The following PLEKHN1 variants were observed in gnomAD, a reference collection of about 807,000 sequenced individuals.
PLEKHN1 encodes pleckstrin homology domain-containing family N member 1.
PLEKHN1 carries 68 observed loss-of-function variants against 72.8 expected under a neutral mutation model. The observed-to-expected ratio is 0.93, with a 90% CI of 0.77 to 1.14. The LOEUF is 1.14. PLEKHN1 is among the 50% of genes most tolerant of loss of function. PLEKHN1 has a pLI of 0.00. For synonymous variants in PLEKHN1, 454 were observed against 371.6 expected (o/e 1.22, Z -2.55); for missense variants, 1,015 against 840.5 (o/e 1.21, Z -2.57).
intron 8 of PLEKHN1, among the ~76,000 whole-genome samples, chr1:971,777 G>A (rs990866102): frequency 1.4e-5 from 2 of 141,460 alleles, no homozygotes; most frequent in Non-Finnish European, 3.2e-5. Flanking sequence ...TTCAGTCACT[G>A]AGGAACAAAC....
Position 972,143 on chromosome 1 carries a change from G to A in PLEKHN1, c.858G>A (p.Leu286=). Residue 286 remains leucine, a synonymous_variant, in exon 9 of 16, where the codon CTG becomes CTA. Coordinates refer to ENST00000379410, the MANE Select transcript of PLEKHN1 (RefSeq NM_032129.3). The part of the protein sequence containing the change: ...EEKEKQIRSF[L]IEGPLINTIR... ...AGGAGAAGCAGATCCGCTCCTTCCTGATTGAAGGTAGGGCCCTGACCCTGG... is the reference window on the plus strand; with the variant it reads ...AGGAGAAGCAGATCCGCTCCTTCCTAATTGAAGGTAGGGCCCTGACCCTGG... 1 of 1,613,032 alleles carries A rather than the reference G, an allele frequency of 6.2e-7. No homozygotes were observed. Among genetic ancestry groups the A allele is most frequent in the African/African-American group, 1.3e-5 (1 of 75,072 alleles).
rs112289120 is a variant in PLEKHN1, at chr1:970,102, G to T, written c.184-175G>T. 6.8e-6 allele frequency among the ~76,000 whole-genome samples: 1 copy of T among 148,018 alleles called. No individual in the cohort carries two copies. The highest frequency in any genetic ancestry group is 1.5e-5 in the Non-Finnish European group (1 of 66,848). ...GTGCCTGTGGGGGGCTGTTCTTCAC[G>T]TATGTGTTGTGTGGCTGTGCACAGG... On this transcript the variant is annotated intron_variant, in intron 2 of 15. Transcript: ENST00000379410. This position sits in a 1 kb window ranked among gnomAD's most constrained non-coding sequence, Gnocchi z 4.2.
chr1:972,110 G>A lies in PLEKHN1; in HGVS notation c.825G>A (p.Leu275=), dbSNP rs770930789. ...CACTCCGTGCCGTCCACATCAACCTGGAGGAGAAGGAGAAGCAGATCCGCT... is the reference window on the plus strand; with the variant it reads ...CACTCCGTGCCGTCCACATCAACCTAGAGGAGAAGGAGAAGCAGATCCGCT... The part of the protein sequence containing the change: ...ELPLRAVHIN[L]EEKEKQIRSF... The change falls in exon 9 of 16, where the codon CTG becomes CTA. Residue 275 remains leucine, a synonymous_variant. Transcript: ENST00000379410. 3.1e-6 allele frequency: 5 copies of A among 1,612,586 alleles called. No individual in the cohort carries two copies. The highest frequency in any genetic ancestry group is 3.4e-6 in the Non-Finnish European group (4 of 1,179,518).
At chr1:971,819 ACTT>A (rs1343080793) in intron 8 of PLEKHN1, among the ~76,000 whole-genome samples, 1 of 152,194 alleles carries the variant, frequency 6.6e-6, no homozygotes, top group Non-Finnish European at 1.5e-5. Flanking sequence ...ACCCGGCCCA[ACTT>A]CTTCTCTGGG....
intron 14 of PLEKHN1, 127 bp from the exon 15 acceptor site, chr1:974,189 G>A: frequency 1.3e-6 from 2 of 1,516,132 alleles, no homozygotes; most frequent in Non-Finnish European, 1.8e-6. Flanking sequence ...GGGCCAGTAG[G>A]GAGTTGGGGA....
chr1:974,022 G>A lies in PLEKHN1; in HGVS notation c.1624G>A (p.Gly542Arg). Reference sequence around the variant, plus strand: ...ACACCGGGGCTCAGCCAAGGATGGGGGGCCGCAGCCCCCAGACGCCCCTCA... The same window carrying A: ...ACACCGGGGCTCAGCCAAGGATGGGAGGCCGCAGCCCCCAGACGCCCCTCA... ...QRHRGSAKDG[G>R]PQPPDAPQLV... The change falls in exon 14 of 16, where the codon GGG (glycine) becomes AGG (arginine). Residue 542 changes from glycine (G) to arginine (R), a missense_variant. Gly to Arg is a moderately radical substitution (Grantham distance 125, BLOSUM62 -2). Coordinates refer to ENST00000379410, the MANE Select transcript of PLEKHN1 (RefSeq NM_032129.3). The A allele has an allele frequency of 6.3e-7, 1 of 1,598,602 alleles. No individual in the cohort carries two copies.
chr1:966,795 C>T lies in PLEKHN1; in HGVS notation c.175C>T (p.Pro59Ser), dbSNP rs1293584961. ...AAANKLFHYI[P>S]GTDILDLENQ... ...CGCCAACAAGCTCTTCCACTACATC[C>T]CGGGCACGGTGAGCGCGGCGTGCAC... The change falls in exon 2 of 16, where the codon CCG (proline) becomes TCG (serine). Residue 59 changes from proline (P) to serine (S), a missense_variant. By Grantham distance (74) the Pro-to-Ser change is moderately conservative (BLOSUM62 -1). Transcript: ENST00000379410. The T allele has an allele frequency of 1.3e-6, 2 of 1,563,406 alleles. No individual in the cohort carries two copies. The highest frequency in any genetic ancestry group is 2.3e-5 in the South Asian group (2 of 85,662).
At position 970,301 on chromosome 1, in the gene PLEKHN1, C is replaced by T. The variant is rs779046082; in HGVS notation, c.208C>T (p.Arg70Ter). The change falls in exon 3 of 16, where the codon CGA becomes TGA. Residue 70 changes from arginine to a stop codon, truncating the protein, a stop_gained. Transcript: ENST00000379410. LOFTEE classifies it high-confidence loss of function. This position sits in a 1 kb window ranked among gnomAD's most constrained non-coding sequence, Gnocchi z 4.2. Reference sequence around the variant, plus strand: ...GGACATCCTGGACCTGGAGAACCAGCGAGAAAACCTGGAGCAGCCATTCCT... The same window carrying T: ...GGACATCCTGGACCTGGAGAACCAGTGAGAAAACCTGGAGCAGCCATTCCT... ...GTDILDLENQ[R>*]ENLEQPFLSV... 50 of 1,613,086 alleles carry T rather than the reference C, an allele frequency of 3.1e-5. No homozygotes were observed. The highest frequency in any genetic ancestry group is 3.3e-4 in the Middle Eastern group (2 of 6,082).
rs141080484 is a variant in PLEKHN1 at position 973,170 on chromosome 1, T to C, written c.1153-16T>C. 5.0e-5 allele frequency: 76 copies of C among 1,505,834 alleles called. No homozygotes were observed. Among genetic ancestry groups the C allele is most frequent in the Admixed American group, 6.3e-5 (3 of 47,412 alleles). The allele number at this position is 1,505,834 out of a possible 1,614,324, so 93.3% of individuals were successfully genotyped here. On this transcript the variant is annotated splice_polypyrimidine_tract_variant and intron_variant, in intron 11 of 15. Coordinates refer to ENST00000379410, the MANE Select transcript of PLEKHN1 (RefSeq NM_032129.3). ...GGGCCAAAGGGCTCTTCCTGGAAGG[T>C]TTGTGGTCCCCACAGGACCAGGCCA...
At position 966,802 on chromosome 1, in the gene PLEKHN1, C is replaced by T. The variant is rs868633048; in HGVS notation, c.182C>T (p.Thr61Met). 25 of 1,556,600 alleles carry T rather than the reference C, an allele frequency of 1.6e-5. No homozygotes were observed. Among genetic ancestry groups the T allele is most frequent in the Admixed American group, 5.7e-5 (3 of 52,620 alleles). Residue 61 changes from threonine (T) to methionine (M), a missense_variant and splice_region_variant, in exon 2 of 16, where the codon ACG (threonine) becomes ATG (methionine). Thr to Met is a moderately conservative substitution (Grantham distance 81). Coordinates refer to ENST00000379410, the MANE Select transcript of PLEKHN1 (RefSeq NM_032129.3). ...AAGCTCTTCCACTACATCCCGGGCA[C>T]GGTGAGCGCGGCGTGCACGGTGGCT... is the stretch of plus-strand genomic sequence containing the variant. ...ANKLFHYIPG[T>M]DILDLENQRE...
chr1:968,404 C>G (rs998445989), intron 2 of PLEKHN1, among the ~76,000 whole-genome samples: 1 of 152,236 alleles, frequency 6.6e-6, no homozygotes, highest in African/African-American at 2.4e-5. Flanking sequence ...TGACTTCCAA[C>G]CTGGTGATCA....
intron 14 of PLEKHN1, 86 bp downstream of exon 14, chr1:974,137 C>G: frequency 6.7e-7 from 1 of 1,484,880 alleles, no homozygotes; most frequent in Non-Finnish European, 9.1e-7. Flanking sequence ...TCTGAGGGAG[C>G]AGGGAGGGAA....
chr1:971,264 C>G, intron 7 of PLEKHN1, 56 bp downstream of exon 7: 6 of 1,554,720 alleles, frequency 3.9e-6, no homozygotes, highest in Middle Eastern at 1.9e-4. Flanking sequence ...TGGTGGTGGG[C>G]AGGGCGGTGC....
intron 8 of PLEKHN1, 151 bp from the exon 9 acceptor site, chr1:971,923 TG>T: frequency 1.4e-6 from 1 of 714,776 alleles, no homozygotes; most frequent in Non-Finnish European, 2.3e-6. Flanking sequence ...CCAGGAGACA[TG>T]GGACCCACTG....
rs1440195080 is a variant in PLEKHN1, at chr1:966,807, A to G, written c.183+4A>G. On this transcript the variant is annotated splice_donor_region_variant and intron_variant, in intron 2 of 15. Coordinates refer to ENST00000379410, the MANE Select transcript of PLEKHN1 (RefSeq NM_032129.3). ...CTTCCACTACATCCCGGGCACGGTG[A>G]GCGCGGCGTGCACGGTGGCTGTGGT... 3 of 1,554,690 alleles carry G rather than the reference A, an allele frequency of 1.9e-6. No individual in the cohort carries two copies. Among genetic ancestry groups the G allele is most frequent in the Non-Finnish European group, 2.6e-6 (3 of 1,151,272 alleles).
In PLEKHN1 at chr1:975,842, C is replaced by T. The variant is rs1295599418; in HGVS notation, c.*1267C>T. 4 of 305,644 alleles carry T rather than the reference C, an allele frequency of 1.3e-5. No individual in the cohort carries two copies. The highest frequency in any genetic ancestry group is 1.3e-4 in the East Asian group (2 of 15,334). The allele number at this position is 305,644 out of a possible 1,614,324, so 18.9% of individuals were successfully genotyped here. A position where few individuals can be genotyped will look rare whatever the true frequency, so the allele number is the denominator to read the frequency against. Reference sequence around the variant, plus strand: ...TTTGATTTCAGATAAACAACAACTTCTTAGTAAAATGACCTCCCCACTATT... The same window carrying T: ...TTTGATTTCAGATAAACAACAACTTTTTAGTAAAATGACCTCCCCACTATT... On this transcript the variant is annotated 3_prime_UTR_variant, in exon 16 of 16. Coordinates refer to ENST00000379410, the MANE Select transcript of PLEKHN1 (RefSeq NM_032129.3).
rs201434720 is a variant in PLEKHN1 at position 973,989 on chromosome 1, G to A, written c.1591G>A (p.Ala531Thr). The stretch of plus-strand genomic sequence containing the variant: ...GAAGGGAGCCCTGCAGTCCAGAGCC[G>A]CTCAGAGACACCGGGGCTCAGCCAA... Reference protein sequence around the residue: ...SKKGALQSRAAQRHRGSAKDG... With the variant: ...SKKGALQSRATQRHRGSAKDG... The change falls in exon 14 of 16, where the codon GCT (alanine) becomes ACT (threonine). Residue 531 changes from alanine (A) to threonine (T), a missense_variant. Coordinates refer to ENST00000379410, the MANE Select transcript of PLEKHN1 (RefSeq NM_032129.3). 931 of 1,606,700 alleles carry A rather than the reference G, an allele frequency of 5.8e-4. 4 individuals are homozygous for A. In the African/African-American group the frequency reaches 6.3e-3, roughly 11 times the overall value.
rs1330546863 is a variant in PLEKHN1 at position 975,185 on chromosome 1, G to A, written c.*610G>A. ...AGAAGGAAAGAGAGAGAGAGAATAA[G>A]AAAAGGAAGAAAGAAAAAGAAAAGA... is the stretch of plus-strand genomic sequence containing the variant. On this transcript the variant is annotated 3_prime_UTR_variant, in exon 16 of 16. Coordinates refer to ENST00000379410, the MANE Select transcript of PLEKHN1 (RefSeq NM_032129.3). The A allele has an allele frequency of 1.3e-5, 2 of 152,356 alleles. No homozygotes were observed. Among genetic ancestry groups the A allele is most frequent in the African/African-American group, 4.8e-5 (2 of 41,376 alleles). 9.4% of individuals were successfully genotyped at this position (152,356 alleles called of 1,614,324 possible). A position where few individuals can be genotyped will look rare whatever the true frequency, so the allele number is the denominator to read the frequency against.
chr1:971,537 C>T (rs1201966475), intron 8 of PLEKHN1, 133 bp downstream of exon 8: 16 of 842,502 alleles, frequency 1.9e-5, no homozygotes, highest in African/African-American at 6.7e-5. Flanking sequence ...ACCCAGCCCG[C>T]GGTCCTGGTC....
Sources: gnomAD v4.1 joint callset for allele counts (sites outside exome capture counted in the v4.1 genomes callset) on GRCh38, gnomAD v4.1.1 for gene constraint, Gnocchi (gnomAD v3.1) non-coding constraint, MANE v1.5 for transcripts, NCBI Gene and HGNC (gene_info 2026-07-23, HGNC 2026-07-21) for gene names.